The following CTC1 variants were observed in gnomAD, a reference collection of about 807,000 sequenced individuals.
CTC1 encodes CST complex subunit CTC1.
Under a neutral mutation model 136.3 loss-of-function variants are expected in CTC1, and 91 were observed. The ratio of observed to expected loss-of-function variants is 0.67; its 90% CI spans 0.56 to 0.79. The LOEUF is 0.79. CTC1 is among the 30% of genes least tolerant of loss of function. The probability of loss-of-function intolerance (pLI) is 0.00; values close to 1 mark genes in which losing one functional copy is unlikely to be tolerated. For missense variants in CTC1, 1,432 were observed against 1,498.1 expected, an observed-to-expected ratio of 0.96 and a Z score of 0.73; for synonymous variants, 606 against 613.8, an observed-to-expected ratio of 0.99 and a Z score of 0.19.
In CTC1 at chr17:8,233,025, A is replaced by C. The variant is rs763967945; in HGVS notation, c.1826T>G (p.Leu609Arg). 2 of 1,614,052 alleles carry C rather than the reference A, an allele frequency of 1.2e-6. No homozygotes were observed. Among genetic ancestry groups the C allele is most frequent in the South Asian group, 2.2e-5 (2 of 91,060 alleles). The change falls in exon 11 of 23, where the codon CTT becomes CGT. Residue 609 changes from leucine to arginine, a missense_variant. Leu to Arg is a moderately radical substitution (Grantham distance 102, BLOSUM62 -2). Coordinates refer to ENST00000651323, the MANE Select transcript of CTC1 (RefSeq NM_025099.6). ...PSAFCPAQVL[L>R]GVLVASSHKG... The stretch of plus-strand genomic sequence containing the variant: ...ATGAGATGAAGCCACCAGAACCCCA[A>C]GTAAAACCTGCAAGAAGATGAAGGT...
At chr17:8,230,155 G>T in intron 17 of CTC1, 139 bp downstream of exon 17, 1 of 1,014,054 alleles carries the variant, frequency 9.9e-7, no homozygotes. Flanking sequence ...GAGGGTACTG[G>T]CTGGGCACAA....
At position 8,247,305 on chromosome 17, in the gene CTC1, C is replaced by CTTTT. The variant is rs772948223; in HGVS notation, c.33+695_33+698dup. On this transcript the variant is annotated intron_variant, in intron 1 of 22. Coordinates refer to ENST00000651323, the MANE Select transcript of CTC1 (RefSeq NM_025099.6). Reference sequence around the variant, plus strand: ...TTCCGTCCTGAAACCCCTTCCGGCGCTTTTTTTTTTTTTTTTTTTTTTTTG... The same window carrying CTTTT: ...TTCCGTCCTGAAACCCCTTCCGGCGCTTTTTTTTTTTTTTTTTTTTTTTTTTTTG... Among the ~76,000 whole-genome samples, 116 of 91,262 alleles carry CTTTT rather than the reference C, an allele frequency of 1.3e-3. 7 individuals are homozygous for CTTTT. Among genetic ancestry groups the CTTTT allele is most frequent in the African/African-American group, 3.4e-3 (72 of 21,020 alleles). 59.9% of individuals were successfully genotyped at this position (91,262 alleles called of 152,430 possible).
chr17:8,238,540 G>A lies in CTC1; in HGVS notation c.287C>T (p.Ala96Val), dbSNP rs766601212. The A allele has an allele frequency of 2.5e-6, 4 of 1,614,062 alleles. No individual in the cohort carries two copies. Among genetic ancestry groups the A allele is most frequent in the African/African-American group, 1.3e-5 (1 of 74,926 alleles). The change falls in exon 3 of 23, where the codon GCC becomes GTC. Residue 96 changes from alanine (A) to valine (V), a missense_variant. Transcript: ENST00000651323. ...SWSSSAYQAW[A>V]QEAGPNGNPL... ...GTTCCCATTTGGTCCAGCCTCTTGG[G>A]CCCAGGCCTGGTATGCACTACTGCT...
chr17:8,236,193 A>G lies in CTC1; in HGVS notation c.942T>C (p.Cys314=). The G allele has an allele frequency of 6.2e-7, 1 of 1,614,160 alleles. No individual in the cohort carries two copies. Among genetic ancestry groups the G allele is most frequent in the Non-Finnish European group, 8.5e-7 (1 of 1,180,026 alleles). Residue 314 remains cysteine (C), a synonymous_variant, in exon 6 of 23, where the codon TGT becomes TGC. Coordinates refer to ENST00000651323, the MANE Select transcript of CTC1 (RefSeq NM_025099.6). Reference sequence around the variant, plus strand: ...CCAGCTCCAGTTCCAGCTCCTGCACACATTCTGGTTTCAGCAGCAACAGAC... The same window carrying G: ...CCAGCTCCAGTTCCAGCTCCTGCACGCATTCTGGTTTCAGCAGCAACAGAC... The part of the protein sequence containing the change: ...SSRLLLLKPE[C]VQELELELEG...
At chr17:8,234,112 G>C (rs1370068190) in intron 10 of CTC1, among the ~76,000 whole-genome samples, 1 of 152,146 alleles carries the variant, frequency 6.6e-6, no homozygotes, top group Non-Finnish European at 1.5e-5. Context: ...CTCCTGAGTA[G>C]CTGGGACCAT....
chr17:8,241,873 A>T (rs1010729426), intron 2 of CTC1, among the ~76,000 whole-genome samples: 1 of 151,240 alleles, frequency 6.6e-6, no homozygotes, highest in African/African-American at 2.4e-5. Flanking sequence ...AAAAAAGCAA[A>T]TCACGGAGGG....
At chr17:8,229,611 G>C (rs1307873268) in intron 18 of CTC1, among the ~76,000 whole-genome samples, 165 bp from the exon 19 acceptor site, 1 of 152,182 alleles carries the variant, frequency 6.6e-6, no homozygotes, top group African/African-American at 2.4e-5. Context: ...ATCTCTGATA[G>C]TCATTGGTTA....
Position 8,230,337 on chromosome 17 carries a change from C to T in CTC1, c.2890G>A (p.Gly964Arg). Residue 964 changes from glycine (G) to arginine (R), a missense_variant, in exon 17 of 23, where the codon GGA (glycine) becomes AGA (arginine). Coordinates refer to ENST00000651323, the MANE Select transcript of CTC1 (RefSeq NM_025099.6). Reference protein sequence around the residue: ...HLPPSLGLLPGARVHFSQLEK... With the variant: ...HLPPSLGLLPRARVHFSQLEK... ...AACTGGCTGAAGTGGACCCGGGCTC[C>T]TGGAAGTAGTCCTAGTGAGGGAGGC... 1 of 1,613,996 alleles carries T rather than the reference C, an allele frequency of 6.2e-7. No homozygotes were observed. The highest frequency in any genetic ancestry group is 8.5e-7 in the Non-Finnish European group (1 of 1,179,994).
At chr17:8,234,955 T>G (rs1257307250) in intron 8 of CTC1, 29 bp from the exon 9 acceptor site, 1 of 1,592,220 alleles carries the variant, frequency 6.3e-7, no homozygotes, top group African/African-American at 1.3e-5. Flanking sequence ...CACAGTCACT[T>G]CCCCTGAAGA....
rs1287489805 is a variant in CTC1 at position 8,230,341 on chromosome 17, A to G, written c.2886T>C (p.Leu962=). The change falls in exon 17 of 23, where the codon CTT becomes CTC. Residue 962 remains leucine, a synonymous_variant. Transcript: ENST00000651323. ...DPHLPPSLGL[L]PGARVHFSQL... The stretch of plus-strand genomic sequence containing the variant: ...GGCTGAAGTGGACCCGGGCTCCTGG[A>G]AGTAGTCCTAGTGAGGGAGGCAAGT... 1 of 1,613,994 alleles carries G rather than the reference A, an allele frequency of 6.2e-7. No individual in the cohort carries two copies. The highest frequency in any genetic ancestry group is 8.5e-7 in the Non-Finnish European group (1 of 1,179,982).
intron 1 of CTC1, among the ~76,000 whole-genome samples, chr17:8,247,031 T>C (rs976939048): frequency 6.8e-6 from 1 of 147,298 alleles, no homozygotes; most frequent in African/African-American, 2.5e-5. Context: ...TCTGGCTCTG[T>C]CGTCCAGGCT....
In CTC1 at chr17:8,236,296, G is replaced by C. The variant is rs770711288; in HGVS notation, c.839C>G (p.Ala280Gly). The C allele has an allele frequency of 6.2e-7, 1 of 1,612,474 alleles. No homozygotes were observed. The highest frequency in any genetic ancestry group is 1.7e-5 in the Admixed American group (1 of 60,018). The change falls in exon 6 of 23, where the codon GCC (alanine) becomes GGC (glycine). Residue 280 changes from alanine to glycine, a missense_variant. Ala to Gly is a moderately conservative substitution (Grantham distance 60, BLOSUM62 0). Transcript: ENST00000651323. Reference protein sequence around the residue: ...VWHRALRPGTAYVLTELRVSK... With the variant: ...VWHRALRPGTGYVLTELRVSK... ...CACTCGCAGTTCTGTCAGCACATAG[G>C]CTGTACCAGGCCGAAGGGCTCTGTG... is the stretch of plus-strand genomic sequence containing the variant.
At chr17:8,247,931 A>G (rs1988902797) in intron 1 of CTC1, 73 bp downstream of exon 1, 1 of 1,498,256 alleles carries the variant, frequency 6.7e-7, no homozygotes, top group Non-Finnish European at 9.2e-7. Flanking sequence ...GACAAGGCAG[A>G]GGAAATAGGA....
At position 8,235,819 on chromosome 17, in the gene CTC1, G is replaced by C; in HGVS notation, c.1206+12C>G. On this transcript the variant is annotated intron_variant, in intron 7 of 22. Transcript: ENST00000651323. ...GAGGTCTCTTTTTGTTATCAGCCCTGATCTCACATACCTGCAGACACACTC... is the reference window on the plus strand; with the variant it reads ...GAGGTCTCTTTTTGTTATCAGCCCTCATCTCACATACCTGCAGACACACTC... 6.3e-7 allele frequency: 1 copy of C among 1,593,210 alleles called. No homozygotes were observed. The highest frequency in any genetic ancestry group is 8.6e-7 in the Non-Finnish European group (1 of 1,165,704).
Position 8,233,633 on chromosome 17 carries a change from G to T in CTC1, c.1819-601C>A, listed in dbSNP as rs887322344. Among the ~76,000 whole-genome samples, 5 of 152,292 alleles carry T rather than the reference G, an allele frequency of 3.3e-5. No homozygotes were observed. In the East Asian group the frequency reaches 7.7e-4, roughly 24 times the overall value. On this transcript the variant is annotated intron_variant, in intron 10 of 22. Transcript: ENST00000651323. ...AAAACACAAAAATTAGCTGGATGTG[G>T]TGATGGATGCCTACAGTCCCAGCTA...
Position 8,235,225 on chromosome 17 carries a change from G to C in CTC1, c.1267C>G (p.Pro423Ala), listed in dbSNP as rs1443580279. ...GGGTRRPVLA[P>A]CLRGAVLLQS... ...AGCAGAACGGCGCCACGGAGGCAGG[G>C]GGCGAGCACTGGCCTTCTTGTCCCC... The change falls in exon 8 of 23, where the codon CCC becomes GCC. Residue 423 changes from proline to alanine, a missense_variant. Transcript: ENST00000651323. The C allele has an allele frequency of 1.9e-6, 3 of 1,614,148 alleles. No individual in the cohort carries two copies. Among genetic ancestry groups the C allele is most frequent in the Admixed American group, 1.7e-5 (1 of 60,022 alleles).
chr17:8,226,886 G>A lies in CTC1; in HGVS notation c.*1294C>T, dbSNP rs1404574350. The A allele has an allele frequency of 6.6e-6, 1 of 152,084 alleles. No homozygotes were observed. The highest frequency in any genetic ancestry group is 2.4e-5 in the African/African-American group (1 of 41,358). 9.4% of individuals were successfully genotyped at this position (152,084 alleles called of 1,614,324 possible). A position where few individuals can be genotyped will look rare whatever the true frequency, so the allele number is the denominator to read the frequency against. On this transcript the variant is annotated 3_prime_UTR_variant, in exon 23 of 23. Transcript: ENST00000651323. ...TGATTCAGGGAATAGGAAGCAGTAG[G>A]TGCAATATAATTCTGTTACCAGAAG...
At chr17:8,237,621 C>T (rs903040571) in intron 4 of CTC1, 102 bp from the exon 5 acceptor site, 100 of 686,960 alleles carry the variant, frequency 1.5e-4, no homozygotes, top group South Asian at 1.3e-3. Flanking sequence ...GCTGAGATCC[C>T]GCCATTGGAC....
At chr17:8,242,299 T>C (rs1191562953) in intron 2 of CTC1, among the ~76,000 whole-genome samples, 2 of 151,906 alleles carry the variant, frequency 1.3e-5, no homozygotes, top group African/African-American at 2.4e-5. Flanking sequence ...TCCCAAAGTG[T>C]TGGGATTACA....
Sources: allele counts gnomAD v4.1 joint callset (sites outside exome capture counted in the v4.1 genomes callset), GRCh38; gene constraint gnomAD v4.1.1; transcripts MANE v1.5; gene names NCBI Gene and HGNC (gene_info 2026-07-23, HGNC 2026-07-21).